The following SPATA9 variants were observed in gnomAD, a reference collection of about 807,000 sequenced individuals.
SPATA9 encodes the protein spermatogenesis-associated protein 9.
In SPATA9, 27 loss-of-function variants were observed where a neutral mutation model predicts 25.5. The ratio of observed to expected loss-of-function variants is 1.06; its 90% CI spans 0.78 to 1.46. The LOEUF (loss-of-function observed/expected upper bound fraction) is 1.46. SPATA9 is among the 40% of genes most tolerant of loss of function. SPATA9 has a pLI of 0.00. For missense variants in SPATA9, 282 were observed against 297.5 expected, an observed-to-expected ratio of 0.95 and a Z score of 0.38; for synonymous variants, 102 against 105.7, an observed-to-expected ratio of 0.97 and a Z score of 0.21.
chr5:95,729,217 A>G, the SPATA9 span, among the ~76,000 whole-genome samples: 2 of 152,264 alleles, frequency 1.3e-5, no homozygotes, highest in East Asian at 3.9e-4. Flanking sequence ...CTTGCCCTGA[A>G]TTCTTCGCTG....
downstream of SPATA9, among the ~76,000 whole-genome samples, chr5:95,654,537 CTA>C (rs1750608329): frequency 6.6e-6 from 1 of 152,124 alleles, no homozygotes; most frequent in African/African-American, 2.4e-5. Context: ...CAATTATACT[CTA>C]TATCTATTCT....
chr5:95,731,216 C>G, the SPATA9 span: 1 of 1,003,334 alleles, frequency 1.0e-6, no homozygotes, highest in Non-Finnish European at 1.2e-6. Flanking sequence ...GAGCGCGTCC[C>G]CCGCATCCGC....
At chr5:95,653,016 C>T (rs995307172) in exon 9 of SPATA9, 35 of 1,491,442 alleles carry the variant, frequency 2.3e-5, no homozygotes, top group Middle Eastern at 3.4e-4. Flanking sequence ...CAACCTGGCT[C>T]CTGCCTGTTT....
chr5:95,670,999 A>C, intron 3 of SPATA9: 10 of 637,858 alleles, frequency 1.6e-5, no homozygotes, highest in Non-Finnish European at 2.0e-5. Flanking sequence ...TCCTAACCCC[A>C]GCCCCCAAGG....
chr5:95,707,385 A>T, the SPATA9 span, among the ~76,000 whole-genome samples: 1 of 152,166 alleles, frequency 6.6e-6, no homozygotes, highest in African/African-American at 2.4e-5. Flanking sequence ...ACGAATTAAG[A>T]GTCCTTTATT....
At chr5:95,654,672 A>G (rs1407296784), downstream of SPATA9, among the ~76,000 whole-genome samples, 1 of 152,220 alleles carries the variant, frequency 6.6e-6, no homozygotes, top group Non-Finnish European at 1.5e-5. Flanking sequence ...GGTTAAATAA[A>G]TTATGATACA....
the SPATA9 span, chr5:95,708,865 T>G: frequency 2.0e-6 from 1 of 510,048 alleles, no homozygotes; most frequent in Non-Finnish European, 3.5e-6. Context: ...GAGGAAGGAG[T>G]AGGAAGGCAC....
At chr5:95,713,174 A>G in the SPATA9 span, among the ~76,000 whole-genome samples, 1 of 152,062 alleles carries the variant, frequency 6.6e-6, no homozygotes, top group African/African-American at 2.4e-5. Flanking sequence ...ACCTTTTTTT[A>G]GACTGGTTTG....
At chr5:95,730,592 C>G in the SPATA9 span, among the ~76,000 whole-genome samples, 8,875 of 152,252 alleles carry the variant, frequency 0.058, 388 homozygotes, top group East Asian at 0.2. Context: ...ATAACGTGTA[C>G]AGAAAAATCT....
intron 2 of SPATA9, among the ~76,000 whole-genome samples, chr5:95,678,785 G>A (rs990084995): frequency 5.9e-5 from 9 of 152,204 alleles, no homozygotes; most frequent in East Asian, 3.9e-4. Context: ...GCTTAACAAC[G>A]GAGTATTAGT....
chr5:95,697,764 C>T (rs1732213328), intron 1 of SPATA9, among the ~76,000 whole-genome samples: 1 of 152,322 alleles, frequency 6.6e-6, no homozygotes, highest in Non-Finnish European at 1.5e-5. Context: ...CTTGAAATGA[C>T]AGACTCGCTT....
At chr5:95,666,906 T>G (rs1751862536) in intron 3 of SPATA9, among the ~76,000 whole-genome samples, 1 of 152,170 alleles carries the variant, frequency 6.6e-6, no homozygotes, top group African/African-American at 2.4e-5. Flanking sequence ...AGAAAGAAGT[T>G]TGGACAGAAA....
At chr5:95,666,831 T>G (rs1455680144) in intron 3 of SPATA9, among the ~76,000 whole-genome samples, 6 of 152,208 alleles carry the variant, frequency 3.9e-5, no homozygotes, top group African/African-American at 9.6e-5. Context: ...TTCTGTATAC[T>G]TCAGTATAAA....
intron 4 of SPATA9, among the ~76,000 whole-genome samples, chr5:95,660,587 G>T (rs73780244): frequency 2.0e-3 from 300 of 152,280 alleles, no homozygotes; most frequent in African/African-American, 7.1e-3. Context: ...ACCTTTAGCT[G>T]TAAACAGCCT....
rs1580315918 is a variant in SPATA9, at chr5:95,671,332, A to G, written c.378+4080T>C. 2.6e-5 allele frequency among the ~76,000 whole-genome samples: 4 copies of G among 152,244 alleles called. No homozygotes were observed. The South Asian group carries it at 8.3e-4, about 32-fold the overall frequency. On this transcript the variant is annotated intron_variant, in intron 3 of 4. Coordinates refer to ENST00000274432, the MANE Select transcript of SPATA9 (RefSeq NM_031952.4). ...CACTGCTTATTTGCCTGTGAGCCCC[A>G]CAGTCCATAGGGCAAGGGTGAGACA... is the stretch of plus-strand genomic sequence containing the variant.
upstream of SPATA9, among the ~76,000 whole-genome samples, chr5:95,700,250 G>T (rs1754142221): frequency 6.6e-6 from 1 of 151,894 alleles, no homozygotes; most frequent in Admixed American, 6.6e-5. Context: ...AGATAGTAGT[G>T]GGTGCCCATT....
the SPATA9 span, among the ~76,000 whole-genome samples, chr5:95,706,148 G>C: frequency 1.3e-5 from 2 of 151,918 alleles, no homozygotes; most frequent in African/African-American, 2.4e-5. Context: ...AGTCCATCAA[G>C]CTATGAAGTC....
At chr5:95,664,936 A>G (rs915728853) in intron 3 of SPATA9, among the ~76,000 whole-genome samples, 1 of 150,976 alleles carries the variant, frequency 6.6e-6, no homozygotes, top group South Asian at 2.1e-4. Flanking sequence ...AAAAACTAAA[A>G]CAATGATCGT....
At chr5:95,712,660 C>T in the SPATA9 span, among the ~76,000 whole-genome samples, 1 of 152,244 alleles carries the variant, frequency 6.6e-6, no homozygotes, top group East Asian at 1.9e-4. Flanking sequence ...AGTCACTGGG[C>T]CACTTGAAGA....
Sources: gnomAD v4.1 joint callset for allele counts (sites outside exome capture counted in the v4.1 genomes callset) on GRCh38, gnomAD v4.1.1 for gene constraint, MANE v1.5 for transcripts, NCBI Gene and HGNC (gene_info 2026-07-23, HGNC 2026-07-21) for gene names.